The following CIT variants were observed in gnomAD, a reference collection of about 807,000 sequenced individuals.
The protein encoded by CIT is citron Rho-interacting kinase.
Under a neutral mutation model 272.7 loss-of-function variants are expected in CIT, and 79 were observed. The observed-to-expected ratio is 0.29, with a 90% confidence interval of 0.24 to 0.35. The LOEUF is 0.35. Ranked by LOEUF, CIT falls within the 10% of genes least tolerant of loss-of-function variation. The probability of loss-of-function intolerance (pLI) is 1.00; values close to 1 mark genes in which losing one functional copy is unlikely to be tolerated. For synonymous variants in CIT, 948 were observed against 995.6 expected (o/e 0.95, Z 0.90); for missense variants, 1,909 against 2,618.3 (o/e 0.73, Z 5.91).
chr12:119,722,799 T>C (rs80318125), intron 28 of CIT, among the ~76,000 whole-genome samples: 1 of 152,336 alleles, frequency 6.6e-6, no homozygotes, highest in East Asian at 1.9e-4. Context: ...ATCTCCTTTG[T>C]CCTTCTTTCT....
chr12:119,850,811 CAT>C (rs1331293290), intron 4 of CIT, among the ~76,000 whole-genome samples: 1 of 152,112 alleles, frequency 6.6e-6, no homozygotes. Context: ...GGGCAGCACT[CAT>C]GTGTGGGGGC....
intron 23 of CIT, among the ~76,000 whole-genome samples, chr12:119,751,782 T>A (rs963374705): frequency 1.3e-5 from 2 of 152,198 alleles, no homozygotes; most frequent in African/African-American, 4.8e-5. Context: ...AATATAATGA[T>A]GATTTTTTCA....
In CIT at chr12:119,832,361, T is replaced by C. The variant is rs887059616; in HGVS notation, c.753+410A>G. On this transcript the variant is annotated intron_variant, in intron 7 of 47. Transcript: ENST00000392521. ...GTTCTTAACACTTAAGGATATTTGGTTCAAATGCTCCAGTGATTAATTTCA... is the reference window on the plus strand; with the variant it reads ...GTTCTTAACACTTAAGGATATTTGGCTCAAATGCTCCAGTGATTAATTTCA... 2.6e-5 allele frequency among the ~76,000 whole-genome samples: 4 copies of C among 152,180 alleles called. No individual in the cohort carries two copies. In the East Asian group the frequency reaches 5.8e-4, roughly 22 times the overall value.
chr12:119,702,514 C>T (rs1321308440), intron 41 of CIT, among the ~76,000 whole-genome samples: 3 of 151,876 alleles, frequency 2.0e-5, no homozygotes, highest in African/African-American at 4.8e-5. Context: ...GGTGAAACCC[C>T]GTCTCTACTA....
intron 47 of CIT, among the ~76,000 whole-genome samples, chr12:119,689,388 A>G (rs1460595527): frequency 6.6e-6 from 1 of 151,808 alleles, no homozygotes; most frequent in Non-Finnish European, 1.5e-5. Context: ...GTCTCTCAAA[A>G]GAAAAAAAAA....
intron 3 of CIT, among the ~76,000 whole-genome samples, chr12:119,862,803 C>T (rs1162891295): frequency 3.3e-4 from 13 of 39,678 alleles, no homozygotes; most frequent in African/African-American, 1.8e-3. Flanking sequence ...GAGCAAGACT[C>T]TACCTAAAAA....
At chr12:119,823,795 T>A (rs185106459) in intron 8 of CIT, among the ~76,000 whole-genome samples, 94 of 152,122 alleles carry the variant, frequency 6.2e-4, no homozygotes, top group African/African-American at 2.1e-3. Flanking sequence ...ATCCCAATAC[T>A]TTGGGAGGCC....
intron 10 of CIT, among the ~76,000 whole-genome samples, chr12:119,787,786 C>G (rs1375767609): frequency 6.7e-6 from 1 of 150,188 alleles, no homozygotes; most frequent in Non-Finnish European, 1.5e-5. Flanking sequence ...AATCTGACCC[C>G]ACCACTGACT....
At chr12:119,783,866 A>G in intron 12 of CIT, 42 bp downstream of exon 12, 2 of 1,537,538 alleles carry the variant, frequency 1.3e-6, no homozygotes, top group Non-Finnish European at 1.7e-6. Context: ...ACACAACAGG[A>G]AGTGCCACCT....
intron 40 of CIT, among the ~76,000 whole-genome samples, chr12:119,705,462 A>G (rs1381892012): frequency 6.6e-6 from 1 of 152,156 alleles, no homozygotes; most frequent in Non-Finnish European, 1.5e-5. Flanking sequence ...ACACAAGAAA[A>G]GGGAAATTGT....
rs1966438612 is a variant in CIT, at chr12:119,804,113, C to T, written c.1112-724G>A. 2 of 957,338 alleles carry T rather than the reference C, an allele frequency of 2.1e-6. No homozygotes were observed. The highest frequency in any genetic ancestry group is 2.5e-6 in the Non-Finnish European group (2 of 804,422). The allele number at this position is 957,338 out of a possible 1,614,324, so 59.3% of individuals were successfully genotyped here. On this transcript the variant is annotated intron_variant, in intron 9 of 47. Transcript: ENST00000392521. The surrounding 1 kb of genome is among the most constrained non-coding windows in gnomAD (Gnocchi z 5.3). ...AGTTCCTACCGGTGATCTACAGCAC[C>T]CCTGCGCGCTGACGGTGGGAATGCA...
In CIT at chr12:119,768,736, C is replaced by T. The variant is rs139170441; in HGVS notation, c.2209-1554G>A. On this transcript the variant is annotated intron_variant, in intron 18 of 47. Coordinates refer to ENST00000392521, the MANE Select transcript of CIT (RefSeq NM_001206999.2). This position sits in a 1 kb window ranked among gnomAD's most constrained non-coding sequence, Gnocchi z 4.3. ...AAGGTTCTATATGTACTTGGCTAAA[C>T]GATCTCTTGCAGTAACTTCTTTTAC... Among the ~76,000 whole-genome samples the T allele has an allele frequency of 1.3e-5, 2 of 152,336 alleles. No individual in the cohort carries two copies. Among genetic ancestry groups the T allele is most frequent in the East Asian group, 1.9e-4 (1 of 5,180 alleles).
At chr12:119,774,512 G>T (rs1281457105) in intron 16 of CIT, among the ~76,000 whole-genome samples, 1 of 151,996 alleles carries the variant, frequency 6.6e-6, no homozygotes, top group Non-Finnish European at 1.5e-5. Flanking sequence ...AGAATGTGAG[G>T]TGATAGATCT....
chr12:119,825,456 T>C, intron 7 of CIT, 88 bp from the exon 8 acceptor site: 1 of 1,228,258 alleles, frequency 8.1e-7, no homozygotes, highest in Non-Finnish European at 1.2e-6. Context: ...CACAAGCTGA[T>C]TTGCCACTGA....
rs772677725 is a variant in CIT at position 119,712,651 on chromosome 12, C to T, written c.4624G>A (p.Gly1542Arg). The T allele has an allele frequency of 6.8e-6, 11 of 1,614,144 alleles. No individual in the cohort carries two copies. Among genetic ancestry groups the T allele is most frequent in the Non-Finnish European group, 8.5e-6 (10 of 1,180,024 alleles). The change falls in exon 36 of 48, where the codon GGG (glycine) becomes AGG (arginine). Residue 1542 changes from glycine to arginine, a missense_variant. Around this residue, in one of 8 missense-constraint regions of CIT, gnomAD observed 780 missense variants for 1,067.2 expected, o/e 0.73. Coordinates refer to ENST00000392521, the MANE Select transcript of CIT (RefSeq NM_001206999.2). The surrounding 1 kb of genome is among the most constrained non-coding windows in gnomAD (Gnocchi z 5.2). The stretch of plus-strand genomic sequence containing the variant: ...ACGGCACCATGAATAGATACATCCC[C>T]GTCGGGAAGGCACAGCTCAAATTCT... ...VEEFELCLPD[G>R]DVSIHGAVGA... is the part of the protein sequence containing the mutation.
At chr12:119,868,974 A>G in intron 3 of CIT, 86 bp downstream of exon 3, 1 of 1,505,638 alleles carries the variant, frequency 6.6e-7, no homozygotes, top group Middle Eastern at 2.1e-4. Context: ...ACCGACTACT[A>G]TCAACCAGTA....
chr12:119,752,310 G>C, intron 22 of CIT, 63 bp from the exon 23 acceptor site: 1 of 1,440,664 alleles, frequency 6.9e-7, no homozygotes, highest in East Asian at 2.4e-5. Context: ...AAAAGAGAAA[G>C]TGAAGACATG....
rs117013599 is a variant in CIT, at chr12:119,819,728, T to A, written c.1111+3092A>T. Among the ~76,000 whole-genome samples, 796 of 152,350 alleles carry A rather than the reference T, an allele frequency of 5.2e-3. 4 individuals are homozygous for A. The highest frequency in any genetic ancestry group is 9.1e-3 in the Non-Finnish European group (618 of 68,032). On this transcript the variant is annotated intron_variant, in intron 9 of 47. Coordinates refer to ENST00000392521, the MANE Select transcript of CIT (RefSeq NM_001206999.2). ...ACTTGGGAAACTTAATGATTCGAAG[T>A]ATTTCGGTTGATGAAAATCACTCAA...
At chr12:119,757,346 C>T (rs1261770495) in intron 22 of CIT, 25 bp downstream of exon 22, 1 of 1,612,406 alleles carries the variant, frequency 6.2e-7, no homozygotes, top group Non-Finnish European at 8.5e-7. Context: ...GCAAATCCTC[C>T]CAGGAGATGA....
Sources: gnomAD v4.1 joint callset for allele counts (sites outside exome capture counted in the v4.1 genomes callset) on GRCh38, gnomAD v4.1.1 for gene constraint, gnomAD v4.1.1 regional missense constraint, Gnocchi (gnomAD v3.1) non-coding constraint, MANE v1.5 for transcripts, NCBI Gene and HGNC (gene_info 2026-07-23, HGNC 2026-07-21) for gene names.